Variants in GLRA3 observed in about 807,000 individuals in gnomAD.
GLRA3 encodes glycine receptor alpha 3.
A neutral mutation model predicts 60.4 loss-of-function variants in GLRA3; 44 were observed. The ratio of observed to expected loss-of-function variants is 0.73; its 90% CI spans 0.57 to 0.94. The LOEUF is 0.94. Among genes scored for constraint, GLRA3 ranks in the 40% least tolerant of loss-of-function variants. The probability of loss-of-function intolerance (pLI) is 0.00; values close to 1 mark genes in which losing one functional copy is unlikely to be tolerated. For missense variants in GLRA3, 508 were observed against 564.6 expected, an observed-to-expected ratio of 0.90 and a Z score of 1.02; for synonymous variants, 223 against 192.9, an observed-to-expected ratio of 1.16 and a Z score of -1.29.
At chr4:174,714,972 G>A (rs1353473739) in intron 5 of GLRA3, among the ~76,000 whole-genome samples, 2 of 152,190 alleles carry the variant, frequency 1.3e-5, no homozygotes, top group Non-Finnish European at 2.9e-5. Context: ...ATACCCAGCA[G>A]AGTGATATTA....
intron 6 of GLRA3, among the ~76,000 whole-genome samples, chr4:174,681,032 G>A (rs1734321640): frequency 6.6e-6 from 1 of 152,150 alleles, no homozygotes; most frequent in South Asian, 2.1e-4. Flanking sequence ...AGGACTCTAT[G>A]AGATGCTTTT....
intron 5 of GLRA3, among the ~76,000 whole-genome samples, chr4:174,702,483 A>G (rs1735357135): frequency 6.6e-6 from 1 of 152,154 alleles, no homozygotes; most frequent in South Asian, 2.1e-4. Flanking sequence ...CTATATTCAA[A>G]TATATTCCCT....
In GLRA3 at chr4:174,641,477, T is replaced by C. The variant is rs1006718975; in HGVS notation, c.*2309A>G. 3 of 152,084 alleles carry C rather than the reference T, an allele frequency of 2.0e-5. No homozygotes were observed. The highest frequency in any genetic ancestry group is 2.0e-4 in the Admixed American group (3 of 15,240). The allele number at this position is 152,084 out of a possible 1,614,324, so 9.4% of individuals were successfully genotyped here. On this transcript the variant is annotated 3_prime_UTR_variant, in exon 10 of 10. Coordinates refer to ENST00000274093, the MANE Select transcript of GLRA3 (RefSeq NM_006529.4). ...ACTGTTGCCTTGTGAGTGAAAGCTG[T>C]TAAAGTATTTTCTTAGTGCAGTAAG... is the stretch of plus-strand genomic sequence containing the variant.
At position 174,818,962 on chromosome 4, in the gene GLRA3, TG is replaced by T. The variant is rs1346752727; in HGVS notation, c.71+9778del. On this transcript the variant is annotated intron_variant, in intron 1 of 9. Coordinates refer to ENST00000274093, the MANE Select transcript of GLRA3 (RefSeq NM_006529.4). The stretch of plus-strand genomic sequence containing the variant: ...AAAGGCAGATTGTCTCTAAGTTCTT[TG>T]GGTTAGGATTTCATTACACACTTCC... 7.2e-5 allele frequency among the ~76,000 whole-genome samples: 11 copies of T among 152,308 alleles called. No individual in the cohort carries two copies. The East Asian group carries it at 1.9e-3, about 27-fold the overall frequency.
intron 7 of GLRA3, among the ~76,000 whole-genome samples, chr4:174,664,873 G>C (rs1018639576): frequency 7.9e-5 from 12 of 152,146 alleles, no homozygotes; most frequent in Non-Finnish European, 1.6e-4. Context: ...GAATGCCGAT[G>C]ATGAACCCAA....
At chr4:174,785,837 A>AT (rs1232513703) in intron 2 of GLRA3, among the ~76,000 whole-genome samples, 1 of 151,964 alleles carries the variant, frequency 6.6e-6, no homozygotes, top group Non-Finnish European at 1.5e-5. Context: ...TGGCACAACC[A>AT]TAGCTCACTG....
At chr4:174,669,622 C>A (rs952433686) in intron 7 of GLRA3, among the ~76,000 whole-genome samples, 6 of 152,122 alleles carry the variant, frequency 3.9e-5, no homozygotes, top group African/African-American at 1.4e-4. Flanking sequence ...GTCACCCAGG[C>A]TGAAGTGCAG....
At chr4:174,802,466 G>T (rs1422612676) in intron 1 of GLRA3, among the ~76,000 whole-genome samples, 1 of 151,956 alleles carries the variant, frequency 6.6e-6, no homozygotes, top group Non-Finnish European at 1.5e-5. Flanking sequence ...GCTTTCTGTT[G>T]ATCAACTCCT....
At chr4:174,728,763 T>G in intron 3 of GLRA3, 65 bp from the exon 4 acceptor site, 1 of 1,029,272 alleles carries the variant, frequency 9.7e-7, no homozygotes, top group Non-Finnish European at 1.4e-6. Flanking sequence ...AAATCCATAG[T>G]GTCAGTGTGG....
intron 9 of GLRA3, among the ~76,000 whole-genome samples, chr4:174,645,563 A>G (rs576463385): frequency 3.3e-4 from 51 of 152,282 alleles, no homozygotes; most frequent in Non-Finnish European, 5.3e-4. Context: ...TGATGCAGTA[A>G]GGTATAAAAT....
intron 2 of GLRA3, among the ~76,000 whole-genome samples, chr4:174,782,587 A>G (rs908028556): frequency 6.6e-6 from 1 of 152,092 alleles, no homozygotes; most frequent in Non-Finnish European, 1.5e-5. Context: ...TCAGCCCAAA[A>G]TCTCCTTAAG....
At chr4:174,645,331 G>C (rs1471517612) in intron 9 of GLRA3, among the ~76,000 whole-genome samples, 3 of 150,258 alleles carry the variant, frequency 2.0e-5, no homozygotes, top group African/African-American at 7.4e-5. Context: ...AGAATCGCTT[G>C]ATCCCTGGAG....
chr4:174,666,760 TATATA>T (rs1733689147), intron 7 of GLRA3, among the ~76,000 whole-genome samples: 3 of 71,564 alleles, frequency 4.2e-5, no homozygotes, highest in African/African-American at 2.2e-4. Flanking sequence ...ATATATATAT[TATATA>T]TATATATATA....
At chr4:174,747,218 G>A (rs776168846) in intron 3 of GLRA3, among the ~76,000 whole-genome samples, 54 of 152,100 alleles carry the variant, frequency 3.6e-4, no homozygotes, top group African/African-American at 1.3e-3. Flanking sequence ...GTTAGACAAC[G>A]AGGACATAAG....
In GLRA3 at chr4:174,693,883, A is replaced by G. The variant is rs552704072; in HGVS notation, c.575-10944T>C. Among the ~76,000 whole-genome samples, 4 of 152,288 alleles carry G rather than the reference A, an allele frequency of 2.6e-5. No homozygotes were observed. The South Asian group carries it at 6.2e-4, about 24-fold the overall frequency. ...GACACCCACTGCTCAAAGTACAGAT[A>G]TGGAGGAAAATCTACCAAGCAAACG... On this transcript the variant is annotated intron_variant, in intron 5 of 9. Coordinates refer to ENST00000274093, the MANE Select transcript of GLRA3 (RefSeq NM_006529.4).
intron 3 of GLRA3, among the ~76,000 whole-genome samples, chr4:174,732,312 G>T (rs1233147082): frequency 6.7e-6 from 1 of 149,952 alleles, no homozygotes; most frequent in African/African-American, 2.5e-5. Context: ...CCGAGATCAC[G>T]CCTCTGCACT....
chr4:174,692,109 C>T (rs1460900226), intron 5 of GLRA3, among the ~76,000 whole-genome samples: 11 of 150,550 alleles, frequency 7.3e-5, no homozygotes, highest in African/African-American at 1.2e-4. Flanking sequence ...GGAGACCCTC[C>T]GCCTGGCAAC....
chr4:174,648,001 T>G (rs1456694905), intron 9 of GLRA3, among the ~76,000 whole-genome samples: 1 of 152,182 alleles, frequency 6.6e-6, no homozygotes, highest in Non-Finnish European at 1.5e-5. Context: ...ATCTTTAATT[T>G]AATTGACTAA....
intron 9 of GLRA3, among the ~76,000 whole-genome samples, 192 bp downstream of exon 9, chr4:174,656,551 G>C (rs955623290): frequency 6.6e-6 from 1 of 151,998 alleles, no homozygotes; most frequent in African/African-American, 2.4e-5. Context: ...TTATTGATGA[G>C]AGAAGACAAG....
Sources: allele counts gnomAD v4.1 joint callset (sites outside exome capture counted in the v4.1 genomes callset), GRCh38; gene constraint gnomAD v4.1.1; transcripts MANE v1.5; gene names NCBI Gene and HGNC (gene_info 2026-07-23, HGNC 2026-07-21).